The following SAMD5 variants were observed in gnomAD, a reference collection of about 807,000 sequenced individuals.
The protein encoded by SAMD5 is sterile alpha motif domain containing 5, also known as sterile alpha motif domain-containing protein 5.
In SAMD5, 13 loss-of-function variants were observed where a neutral mutation model predicts 11.3. The observed-to-expected ratio is 1.15, with a 90% CI of 0.75 to 1.83. The LOEUF (loss-of-function observed/expected upper bound fraction) is 1.83, where lower values mean the gene tolerates loss of function less well. Among genes scored for constraint, SAMD5 ranks in the 40% most tolerant of loss-of-function variants. The pLI is 0.00. For synonymous variants in SAMD5, 129 were observed against 111.3 expected (o/e 1.16, Z -1.00); for missense variants, 255 against 239.1 (o/e 1.07, Z -0.44).
chr6:147,799,826 C>T, the SAMD5 span, among the ~76,000 whole-genome samples: 5 of 152,174 alleles, frequency 3.3e-5, no homozygotes, highest in Non-Finnish European at 7.3e-5. Context: ...ATTTCATCTT[C>T]CACTGCTGAT....
intron 1 of SAMD5, among the ~76,000 whole-genome samples, chr6:147,724,045 A>G (rs9322108): frequency 0.52 from 79,663 of 152,036 alleles, 21,242 homozygotes; most frequent in Middle Eastern, 0.61. Flanking sequence ...AAAATCCACA[A>G]TCACATTGCA....
At chr6:147,937,233 T>C in the SAMD5 span, among the ~76,000 whole-genome samples, 6 of 152,346 alleles carry the variant, frequency 3.9e-5, no homozygotes, top group African/African-American at 7.2e-5. Flanking sequence ...CTTTTTGTTT[T>C]GAAATTTCAT....
intron 1 of SAMD5, among the ~76,000 whole-genome samples, chr6:147,645,660 G>A (rs922121431): frequency 1.3e-5 from 2 of 152,020 alleles, no homozygotes; most frequent in Non-Finnish European, 2.9e-5. Context: ...GTATAAGCTC[G>A]GATAATGGTG....
intron 1 of SAMD5, among the ~76,000 whole-genome samples, chr6:147,693,273 T>C (rs1791129054): frequency 6.6e-6 from 1 of 152,198 alleles, no homozygotes; most frequent in African/African-American, 2.4e-5. Context: ...GTGCCCTTCT[T>C]CCCCACATTG....
the SAMD5 span, among the ~76,000 whole-genome samples, chr6:147,764,885 C>T: frequency 6.6e-6 from 1 of 152,120 alleles, no homozygotes; most frequent in Non-Finnish European, 1.5e-5. Flanking sequence ...GTCAAGATTG[C>T]ACTTTTGCCT....
At position 147,566,379 on chromosome 6, in the gene SAMD5, T is replaced by C. The variant is rs1440912992; in HGVS notation, c.*1923T>C. The C allele has an allele frequency of 1.0e-6, 1 of 985,180 alleles. No individual in the cohort carries two copies. Among genetic ancestry groups the C allele is most frequent in the Non-Finnish European group, 1.2e-6 (1 of 829,440 alleles). 61.0% of individuals were successfully genotyped at this position (985,180 alleles called of 1,614,324 possible). A position where few individuals can be genotyped will look rare whatever the true frequency, so the allele number is the denominator to read the frequency against. On this transcript the variant is annotated 3_prime_UTR_variant, in exon 2 of 2. Coordinates refer to ENST00000367474, the MANE Select transcript of SAMD5 (RefSeq NM_001030060.3). ...GAGTCTGTATAGATTACAGATATAATTTATTGTGATAACAAATGGCTTCCT... is the reference window on the plus strand; with the variant it reads ...GAGTCTGTATAGATTACAGATATAACTTATTGTGATAACAAATGGCTTCCT...
chr6:147,850,366 C>A, the SAMD5 span, among the ~76,000 whole-genome samples: 1 of 152,042 alleles, frequency 6.6e-6, no homozygotes, highest in Non-Finnish European at 1.5e-5. Context: ...TTAAATTAAC[C>A]GGCAGAGGGC....
intron 1 of SAMD5, among the ~76,000 whole-genome samples, chr6:147,652,361 C>T (rs1179332197): frequency 6.6e-6 from 1 of 152,064 alleles, no homozygotes; most frequent in Non-Finnish European, 1.5e-5. Flanking sequence ...ATAATAATTG[C>T]CTTTCTCCTC....
At chr6:147,855,235 T>C in the SAMD5 span, among the ~76,000 whole-genome samples, 1 of 152,084 alleles carries the variant, frequency 6.6e-6, no homozygotes, top group African/African-American at 2.4e-5. Flanking sequence ...ATAAAGGAAA[T>C]AAATGAAGAC....
chr6:147,584,631 T>C lies in SAMD5; in HGVS notation c.162+75244T>C, dbSNP rs751084369. ...GACAGTGCCAGCTGTAGGTGGCATT[T>C]GTTCATCTGATTCACATGGCATTTT... is the stretch of plus-strand genomic sequence containing the variant. On this transcript the variant is annotated intron_variant, in intron 1 of 1. Transcript: ENST00000566741. 1.1e-4 allele frequency among the ~76,000 whole-genome samples: 17 copies of C among 152,234 alleles called. No individual in the cohort carries two copies. The South Asian group carries it at 1.9e-3, about 17-fold the overall frequency.
chr6:147,547,581 A>T (rs1287353788), intron 1 of SAMD5, among the ~76,000 whole-genome samples: 1 of 152,162 alleles, frequency 6.6e-6, no homozygotes, highest in Non-Finnish European at 1.5e-5. Context: ...AATTTCTCTG[A>T]CTTATTATTT....
chr6:147,859,584 A>G, the SAMD5 span, among the ~76,000 whole-genome samples: 2 of 152,208 alleles, frequency 1.3e-5, 1 homozygote, highest in South Asian at 4.1e-4. Context: ...CAGTTTTTAG[A>G]TAAACTTTGT....
the SAMD5 span, among the ~76,000 whole-genome samples, chr6:147,922,736 T>A: frequency 6.6e-6 from 1 of 152,242 alleles, no homozygotes; most frequent in East Asian, 1.9e-4. Flanking sequence ...GGGGTGTAGT[T>A]AATTTCTTCA....
At chr6:147,798,163 G>A in the SAMD5 span, among the ~76,000 whole-genome samples, 1 of 145,090 alleles carries the variant, frequency 6.9e-6, no homozygotes, top group Non-Finnish European at 1.5e-5. Context: ...TGATGTTAGG[G>A]TGTCAATTTT....
At chr6:147,921,356 G>A in the SAMD5 span, among the ~76,000 whole-genome samples, 1 of 149,582 alleles carries the variant, frequency 6.7e-6, no homozygotes, top group Admixed American at 6.7e-5. Context: ...TCTTACCAAA[G>A]GAGAGCCAAG....
chr6:147,763,810 C>T, the SAMD5 span, among the ~76,000 whole-genome samples: 725 of 152,176 alleles, frequency 4.8e-3, 16 homozygotes, highest in East Asian at 0.073. Context: ...TCTCGATCTC[C>T]TGACCTCGTG....
At chr6:147,675,891 A>G (rs1308812025) in intron 1 of SAMD5, among the ~76,000 whole-genome samples, 1 of 152,246 alleles carries the variant, frequency 6.6e-6, no homozygotes, top group Non-Finnish European at 1.5e-5. Context: ...CGCAAAAGAA[A>G]TAAACTTCCT....
chr6:147,649,696 C>A (rs942161695), intron 1 of SAMD5, among the ~76,000 whole-genome samples: 1 of 150,392 alleles, frequency 6.6e-6, no homozygotes, highest in African/African-American at 2.5e-5. Context: ...GAGGCTGAGG[C>A]AAGAGAATCG....
chr6:147,885,022 T>G, the SAMD5 span, among the ~76,000 whole-genome samples: 1 of 152,230 alleles, frequency 6.6e-6, no homozygotes, highest in African/African-American at 2.4e-5. Flanking sequence ...AAACTTTGAA[T>G]AGCCTTTTAA....
Sources: gnomAD v4.1 joint callset for allele counts (sites outside exome capture counted in the v4.1 genomes callset) on GRCh38, gnomAD v4.1.1 for gene constraint, MANE v1.5 for transcripts, NCBI Gene and HGNC (gene_info 2026-07-23, HGNC 2026-07-21) for gene names.